The following GMEB1 variants were observed in gnomAD, a reference collection of about 807,000 sequenced individuals.
GMEB1 encodes glucocorticoid modulatory element binding protein 1, also known as glucocorticoid modulatory element-binding protein 1.
In GMEB1, 6 loss-of-function variants were observed where a neutral mutation model predicts 52.4. The observed-to-expected ratio is 0.11, with a 90% CI of 0.06 to 0.23. GMEB1 has a LOEUF of 0.23. Ranked by LOEUF, GMEB1 falls within the 10% of genes least tolerant of loss-of-function variation. The pLI is 1.00. For synonymous variants in GMEB1, 255 were observed against 244.9 expected (o/e 1.04, Z -0.38); for missense variants, 486 against 685.6 (o/e 0.71, Z 3.25).
Position 28,696,978 on chromosome 1 carries a change from C to T in GMEB1, c.492C>T (p.Cys164=), listed in dbSNP as rs1161098216. 3 of 1,610,672 alleles carry T rather than the reference C, an allele frequency of 1.9e-6. No homozygotes were observed. Among genetic ancestry groups the T allele is most frequent in the Non-Finnish European group, 2.5e-6 (3 of 1,178,320 alleles). Residue 164 remains cysteine, a synonymous_variant, in exon 6 of 10, where the codon TGC becomes TGT. Coordinates refer to ENST00000373816, the MANE Select transcript of GMEB1 (RefSeq NM_001319674.2). ...QIDFYQHDKV[C]SNTCRSTKFD... ...ATTTTTACCAACATGACAAAGTTTG[C>T]TCCAATACCTGCAGAAGCACCAAAT...
Position 28,714,831 on chromosome 1 carries a change from T to G in GMEB1, c.*58T>G. On this transcript the variant is annotated 3_prime_UTR_variant, in exon 10 of 10. Coordinates refer to ENST00000373816, the MANE Select transcript of GMEB1 (RefSeq NM_001319674.2). ...ATTTGGAATTTTAATTATTTGTTTA[T>G]TTTTATCATTGTCCCACTCATTTCC... 1 of 1,190,012 alleles carries G rather than the reference T, an allele frequency of 8.4e-7. No homozygotes were observed. Among genetic ancestry groups the G allele is most frequent in the Non-Finnish European group, 1.2e-6 (1 of 829,080 alleles). 73.7% of individuals were successfully genotyped at this position (1,190,012 alleles called of 1,614,324 possible).
intron 1 of GMEB1, among the ~76,000 whole-genome samples, chr1:28,680,190 G>A (rs1423818540): frequency 1.3e-5 from 2 of 151,124 alleles, no homozygotes; most frequent in African/African-American, 4.8e-5. Context: ...AGACCAGCCT[G>A]GGCAACATAG....
chr1:28,691,631 C>T lies in GMEB1; in HGVS notation c.258C>T (p.Pro86=). 6.3e-7 allele frequency: 1 copy of T among 1,581,616 alleles called. No individual in the cohort carries two copies. The highest frequency in any genetic ancestry group is 1.3e-5 in the African/African-American group (1 of 74,244). ...ATGAGGATATGGAAATTGCTTACCC[C>T]ATAACTTGTGGGGAGAGCAAAGCCA... ...EANEDMEIAY[P]ITCGESKAIL... is the part of the protein sequence containing the mutation. Residue 86 remains proline (P), a synonymous_variant, in exon 4 of 10, where the codon CCC becomes CCT. Transcript: ENST00000373816.
intron 9 of GMEB1, 71 bp downstream of exon 9, chr1:28,710,713 CTT>C: frequency 3.7e-6 from 4 of 1,087,556 alleles, no homozygotes; most frequent in Non-Finnish European, 4.7e-6. Context: ...TTCTTGTTGA[CTT>C]TTGTTGGGGT....
At chr1:28,698,938 C>T (rs767016211) in intron 6 of GMEB1, among the ~76,000 whole-genome samples, 2 of 151,908 alleles carry the variant, frequency 1.3e-5, no homozygotes, top group Non-Finnish European at 2.9e-5. Context: ...GAGCCGAGAT[C>T]GTCCCATATT....
intron 1 of GMEB1, among the ~76,000 whole-genome samples, chr1:28,680,126 A>G (rs1286302110): frequency 6.6e-6 from 1 of 152,018 alleles, no homozygotes; most frequent in Non-Finnish European, 1.5e-5. Context: ...CACACTTGTA[A>G]TCACAACACT....
Position 28,714,992 on chromosome 1 carries a change from T to G in GMEB1, c.*219T>G, listed in dbSNP as rs900551794. On this transcript the variant is annotated 3_prime_UTR_variant, in exon 10 of 10. Coordinates refer to ENST00000373816, the MANE Select transcript of GMEB1 (RefSeq NM_001319674.2). ...CAGAAGTTGAGAGTAGGTCATTCAA[T>G]GTCCTAATCATCTTACACCAAGAAA... is the stretch of plus-strand genomic sequence containing the variant. The G allele has an allele frequency of 1.9e-6, 1 of 533,102 alleles. No homozygotes were observed. The highest frequency in any genetic ancestry group is 5.1e-4 in the Middle Eastern group (1 of 1,978). 33.0% of individuals were successfully genotyped at this position (533,102 alleles called of 1,614,324 possible).
At chr1:28,696,884 G>A in intron 5 of GMEB1, 43 bp from the exon 6 acceptor site, 3 of 1,501,062 alleles carry the variant, frequency 2.0e-6, no homozygotes, top group Non-Finnish European at 2.7e-6. Flanking sequence ...CCCACTAGAT[G>A]AAGTATAGGC....
chr1:28,672,950 C>CA (rs1410146278), intron 1 of GMEB1, among the ~76,000 whole-genome samples: 3 of 151,860 alleles, frequency 2.0e-5, no homozygotes, highest in Admixed American at 2.0e-4. Context: ...GGCTGGAGTG[C>CA]AGTGGCGCGA....
intron 9 of GMEB1, among the ~76,000 whole-genome samples, chr1:28,711,783 G>T (rs1209779440): frequency 6.6e-6 from 1 of 152,186 alleles, no homozygotes; most frequent in Non-Finnish European, 1.5e-5. Context: ...TTGCTACTCA[G>T]TACTCAGTAT....
intron 7 of GMEB1, 62 bp downstream of exon 7, chr1:28,702,631 T>C: frequency 6.8e-7 from 1 of 1,474,738 alleles, no homozygotes; most frequent in Non-Finnish European, 9.4e-7. Context: ...CCATTATCAT[T>C]ATGGACACGG....
rs962976283 is a variant in GMEB1 at position 28,718,829 on chromosome 1, C to G, written c.*4056C>G. ...GCTGAGAGAACAAAGCATGAAGTGC[C>G]TAACCCAGCTTAGCGGTGTAGAGGT... On this transcript the variant is annotated 3_prime_UTR_variant, in exon 10 of 10. Transcript: ENST00000373816. 1 of 152,158 alleles carries G rather than the reference C, an allele frequency of 6.6e-6. No individual in the cohort carries two copies. Among genetic ancestry groups the G allele is most frequent in the Non-Finnish European group, 1.5e-5 (1 of 68,042 alleles). The allele number at this position is 152,158 out of a possible 1,614,324, so 9.4% of individuals were successfully genotyped here.
At position 28,693,041 on chromosome 1, in the gene GMEB1, C is replaced by G; in HGVS notation, c.436C>G (p.Leu146Val). Residue 146 changes from leucine to valine, a missense_variant, in exon 5 of 10, where the codon CTC becomes GTC. Physicochemically the swap from Leu to Val is conservative, Grantham distance 32. Around this residue, in one of 5 missense-constraint regions of GMEB1, gnomAD observed 43 missense variants for 117.5 expected, o/e 0.37. Transcript: ENST00000373816. ...AGCTATTCGTCTGGGTGGGATCATGCTCAGGTAAGCTCTAATGTCAAGCAC... is the reference window on the plus strand; with the variant it reads ...AGCTATTCGTCTGGGTGGGATCATGGTCAGGTAAGCTCTAATGTCAAGCAC... ...KRAIRLGGIM[L>V]RKMMDSGQID... 1.3e-6 allele frequency: 2 copies of G among 1,561,104 alleles called. No individual in the cohort carries two copies. Among genetic ancestry groups the G allele is most frequent in the Non-Finnish European group, 1.8e-6 (2 of 1,138,506 alleles).
intron 2 of GMEB1, among the ~76,000 whole-genome samples, chr1:28,687,555 G>C (rs916036966): frequency 2.0e-5 from 3 of 152,020 alleles, no homozygotes; most frequent in African/African-American, 4.8e-5. Flanking sequence ...TCTTAAAGAA[G>C]CTTAAATATC....
intron 6 of GMEB1, among the ~76,000 whole-genome samples, chr1:28,700,921 C>T (rs1212923661): frequency 6.6e-6 from 1 of 152,016 alleles, no homozygotes; most frequent in Non-Finnish European, 1.5e-5. Context: ...CACTTTTATG[C>T]AGCTTTTTTT....
intron 2 of GMEB1, among the ~76,000 whole-genome samples, chr1:28,687,546 C>A (rs1669741531): frequency 6.6e-6 from 1 of 151,920 alleles, no homozygotes; most frequent in Non-Finnish European, 1.5e-5. Flanking sequence ...GGGGCCAGAT[C>A]TTAAAGAAGC....
intron 1 of GMEB1, among the ~76,000 whole-genome samples, chr1:28,672,736 CTT>C (rs540343527): frequency 5.8e-5 from 7 of 119,722 alleles, no homozygotes; most frequent in Non-Finnish European, 3.4e-5. Flanking sequence ...CATATTGTTC[CTT>C]TTTTTTTTTT....
chr1:28,715,124 G>A lies in GMEB1; in HGVS notation c.*351G>A, dbSNP rs1671231898. Reference sequence around the variant, plus strand: ...CATGTGGTTTTATTCTTGTAAAGATGCATTGACCAAACTCTGGAACACAGA... The same window carrying A: ...CATGTGGTTTTATTCTTGTAAAGATACATTGACCAAACTCTGGAACACAGA... On this transcript the variant is annotated 3_prime_UTR_variant, in exon 10 of 10. Coordinates refer to ENST00000373816, the MANE Select transcript of GMEB1 (RefSeq NM_001319674.2). The A allele has an allele frequency of 9.5e-6, 2 of 210,052 alleles. No homozygotes were observed. Among genetic ancestry groups the A allele is most frequent in the Admixed American group, 1.0e-4 (2 of 19,310 alleles). 13.0% of individuals were successfully genotyped at this position (210,052 alleles called of 1,614,324 possible).
At chr1:28,680,208 C>G (rs1669333778) in intron 1 of GMEB1, among the ~76,000 whole-genome samples, 1 of 125,492 alleles carries the variant, frequency 8.0e-6, no homozygotes, top group African/African-American at 2.5e-5. Context: ...TAGTGAGATC[C>G]TGTCTCTATC....
Sources: allele counts gnomAD v4.1 joint callset (sites outside exome capture counted in the v4.1 genomes callset), GRCh38; gene constraint gnomAD v4.1.1; regional missense constraint gnomAD v4.1.1; transcripts MANE v1.5; gene names NCBI Gene and HGNC (gene_info 2026-07-23, HGNC 2026-07-21).